AHNAK: variants seen among roughly 807,000 people sequenced by gnomAD.
The protein encoded by AHNAK is AHNAK nucleoprotein.
In AHNAK, 23 loss-of-function variants were observed where a neutral mutation model predicts 37.8. That is an observed-to-expected ratio of 0.61 (90% confidence interval 0.44 to 0.86). The LOEUF (loss-of-function observed/expected upper bound fraction) is 0.86, where lower values mean the gene tolerates loss of function less well. AHNAK is among the 40% of genes least tolerant of loss of function. The pLI is 0.00. For synonymous variants in AHNAK, 2,481 were observed against 2,636.3 expected, an observed-to-expected ratio of 0.94 and a Z score of 1.80; for missense variants, 7,411 against 7,319.4, an observed-to-expected ratio of 1.01 and a Z score of -0.46.
chr11:62,519,675 A>C lies in AHNAK; in HGVS notation c.14742T>G (p.Pro4914=), dbSNP rs1423576733. Residue 4914 remains proline, a synonymous_variant, in exon 5 of 5, where the codon CCT becomes CCG. Transcript: ENST00000378024. The part of the protein sequence containing the change: ...LKMPSLEISA[P]KVTAPDVDLH... ...AATCAACATCAGGAGCAGTTACTTT[A>C]GGAGCAGATATCTCCAGCGATGGCA... 6.2e-7 allele frequency: 1 copy of C among 1,613,910 alleles called. No individual in the cohort carries two copies. Among genetic ancestry groups the C allele is most frequent in the Non-Finnish European group, 8.5e-7 (1 of 1,180,002 alleles).
chr11:62,504,556 C>G (rs992957421), intron 4 of AHNAK, among the ~76,000 whole-genome samples: 1 of 152,126 alleles, frequency 6.6e-6, no homozygotes, highest in Admixed American at 6.6e-5. Flanking sequence ...TGCCTGCCTG[C>G]TCACATTCCA....
intron 3 of AHNAK, 117 bp from the exon 4 acceptor site, chr11:62,535,307 G>T (rs1940907022): frequency 1.1e-5 from 10 of 912,844 alleles, no homozygotes; most frequent in African/African-American, 1.7e-5. Context: ...TGCAAGGTGG[G>T]CATGGTAATA....
chr11:62,482,762 G>A (rs1398412219), intron 5 of AHNAK, among the ~76,000 whole-genome samples: 1 of 152,090 alleles, frequency 6.6e-6, no homozygotes, highest in African/African-American at 2.4e-5. Flanking sequence ...AATTCATCTT[G>A]TACTGCTCAC....
In AHNAK at chr11:62,532,647, T is replaced by C; in HGVS notation, c.1770A>G (p.Thr590=). 1.2e-6 allele frequency: 2 copies of C among 1,611,714 alleles called. No homozygotes were observed. Among genetic ancestry groups the C allele is most frequent in the Non-Finnish European group, 1.7e-6 (2 of 1,179,148 alleles). Residue 590 remains threonine, a synonymous_variant, in exon 5 of 5, where the codon ACA becomes ACG. Transcript: ENST00000378024. ...TGACTTTCCCTTCTACTCTGGGGAG[T>C]GTGACATCTACACCCCCTTTCACTT... ...APKVKGGVDV[T]LPRVEGKVKV... is the part of the protein sequence containing the mutation.
chr11:62,511,016 GCA>G (rs1194262086), downstream of AHNAK, among the ~76,000 whole-genome samples: 2 of 152,232 alleles, frequency 1.3e-5, no homozygotes, highest in Admixed American at 1.3e-4. Flanking sequence ...AGCTAAGGTG[GCA>G]CTCTGAAGCA....
Position 62,533,938 on chromosome 11 carries a change from T to C in AHNAK, c.479A>G (p.Tyr160Cys), listed in dbSNP as rs1329655029. The change falls in exon 5 of 5, where the codon TAC (tyrosine) becomes TGC (cysteine). Residue 160 changes from tyrosine to cysteine, a missense_variant. By Grantham distance (194) the Tyr-to-Cys change is radical. Transcript: ENST00000378024. ...TITVTRRVTA[Y>C]TVDVTGREGA... is the part of the protein sequence containing the mutation. ...TTCCCGGCCAGTCACATCCACAGTG[T>C]AGGCCGTGACCCTTCTGGTCACTGT... 6.8e-6 allele frequency: 11 copies of C among 1,614,060 alleles called. No individual in the cohort carries two copies. The highest frequency in any genetic ancestry group is 9.3e-6 in the Non-Finnish European group (11 of 1,180,008).
intron 5 of AHNAK, among the ~76,000 whole-genome samples, chr11:62,455,011 C>A (rs1340344637): frequency 6.6e-6 from 1 of 150,938 alleles, no homozygotes; most frequent in Non-Finnish European, 1.5e-5. Flanking sequence ...TCATTCACTG[C>A]AACCTCCGCC....
chr11:62,511,445 G>A (rs901217952), downstream of AHNAK, among the ~76,000 whole-genome samples: 2 of 151,824 alleles, frequency 1.3e-5, no homozygotes, highest in East Asian at 1.9e-4. Context: ...TAGTAGAGAC[G>A]GGGTATCGCC....
chr11:62,451,670 G>A (rs1772006925), intron 5 of AHNAK, among the ~76,000 whole-genome samples: 1 of 148,412 alleles, frequency 6.7e-6, no homozygotes, highest in East Asian at 2.0e-4. Context: ...CCAGAAGGTG[G>A]AGGTTGCACT....
Position 62,529,643 on chromosome 11 carries a change from T to C in AHNAK, c.4774A>G (p.Lys1592Glu), listed in dbSNP as rs1237693007. The C allele has an allele frequency of 1.2e-6, 2 of 1,614,066 alleles. No homozygotes were observed. The highest frequency in any genetic ancestry group is 1.7e-6 in the Non-Finnish European group (2 of 1,180,044). The change falls in exon 5 of 5, where the codon AAA becomes GAA. Residue 1592 changes from lysine to glutamate, a missense_variant. Coordinates refer to ENST00000378024, the MANE Select transcript of AHNAK (RefSeq NM_001620.3). ...GAAACATCTACATCAGTTTTCAGTT[T>C]AGGGGCTTTCAAATTAAGTCCAACA... is the stretch of plus-strand genomic sequence containing the variant. The part of the protein sequence containing the change: ...PDVGLNLKAP[K>E]LKTDVDVSLP...
chr11:62,433,626 A>T (rs1320375106), exon 6 of AHNAK: 2 of 562,928 alleles, frequency 3.6e-6, no homozygotes, highest in Non-Finnish European at 6.3e-6. Flanking sequence ...CTCTAGTCCC[A>T]AACCTAAGCC....
chr11:62,522,089 C>T lies in AHNAK; in HGVS notation c.12328G>A (p.Gly4110Arg), dbSNP rs752429884. ...TPDIDIHGPE[G>R]KLKGPKFKMP... ...TTAAATTTGGGGCCCTTCAGTTTCC[C>T]TTCTGGACCATGAATATCAATATCA... The change falls in exon 5 of 5, where the codon GGG (glycine) becomes AGG (arginine). Residue 4110 changes from glycine (G) to arginine (R), a missense_variant. Coordinates refer to ENST00000378024, the MANE Select transcript of AHNAK (RefSeq NM_001620.3). 3.7e-6 allele frequency: 6 copies of T among 1,613,926 alleles called. No individual in the cohort carries two copies. Among genetic ancestry groups the T allele is most frequent in the Non-Finnish European group, 3.4e-6 (4 of 1,180,000 alleles).
Position 62,439,348 on chromosome 11 carries a change from G to A in AHNAK, c.443-5457C>T, listed in dbSNP as rs1378228161. Among the ~76,000 whole-genome samples the A allele has an allele frequency of 5.9e-5, 9 of 151,504 alleles. No individual in the cohort carries two copies. In the East Asian group the frequency reaches 1.4e-3, roughly 23 times the overall value. On this transcript the variant is annotated intron_variant, in intron 5 of 5. Transcript: ENST00000257247. ...CCTGACCTTGTGATCCGCCCACCTC[G>A]GCCTCCCAAAGTGCTGGGATTACAG...
rs778828913 is a variant in AHNAK, at chr11:62,523,497, A to G, written c.10920T>C (p.Val3640=). The G allele has an allele frequency of 6.2e-7, 1 of 1,613,850 alleles. No homozygotes were observed. The highest frequency in any genetic ancestry group is 8.5e-7 in the Non-Finnish European group (1 of 1,179,978). ...DIDISGPNVD[V]DVPDVNIEGP... ...CTTCAATATTCACGTCTGGAACATC[A>G]ACGTCTACATTGGGACCAGAAATGT... is the stretch of plus-strand genomic sequence containing the variant. The change falls in exon 5 of 5, where the codon GTT becomes GTC. Residue 3640 remains valine (V), a synonymous_variant. Transcript: ENST00000378024.
intron 5 of AHNAK, among the ~76,000 whole-genome samples, chr11:62,459,865 C>T (rs1938747606): frequency 6.6e-6 from 1 of 152,214 alleles, no homozygotes; most frequent in Admixed American, 6.6e-5. Context: ...CTTGGCCAGA[C>T]ATGGTGGCTC....
chr11:62,456,374 C>T (rs557706607), intron 5 of AHNAK, among the ~76,000 whole-genome samples: 16 of 152,300 alleles, frequency 1.1e-4, no homozygotes, highest in East Asian at 3.9e-4. Context: ...CTGTGCTAGG[C>T]GGTCTTTATG....
At chr11:62,479,845 A>G (rs1043754473) in intron 5 of AHNAK, among the ~76,000 whole-genome samples, 2 of 152,158 alleles carry the variant, frequency 1.3e-5, no homozygotes, top group African/African-American at 2.4e-5. Flanking sequence ...CTGTGAAACT[A>G]TTCTTGAAAG....
At chr11:62,438,876 C>G (rs568895801) in intron 5 of AHNAK, among the ~76,000 whole-genome samples, 103 of 152,134 alleles carry the variant, frequency 6.8e-4, no homozygotes, top group African/African-American at 2.3e-3. Flanking sequence ...TAATCATGAC[C>G]GGCTCACATG....
In AHNAK at chr11:62,530,922, T is replaced by A; in HGVS notation, c.3495A>T (p.Glu1165Asp). The change falls in exon 5 of 5, where the codon GAA (glutamate) becomes GAT (aspartate). Residue 1165 changes from glutamate (E) to aspartate (D), a missense_variant. Coordinates refer to ENST00000378024, the MANE Select transcript of AHNAK (RefSeq NM_001620.3). Reference protein sequence around the residue: ...VVVSGPKVDIEAPDVSLEGPE... With the variant: ...VVVSGPKVDIDAPDVSLEGPE... ...GACCTTCGAGGCTCACATCTGGGGC[T>A]TCGATGTCCACCTTGGGTCCTGAGA... 1 of 1,613,636 alleles carries A rather than the reference T, an allele frequency of 6.2e-7. No individual in the cohort carries two copies. The highest frequency in any genetic ancestry group is 8.5e-7 in the Non-Finnish European group (1 of 1,179,924).
Sources: allele counts gnomAD v4.1 joint callset (sites outside exome capture counted in the v4.1 genomes callset), GRCh38; gene constraint gnomAD v4.1.1; transcripts MANE v1.5; gene names NCBI Gene and HGNC (gene_info 2026-07-23, HGNC 2026-07-21).